The following GLRB variants were observed in gnomAD, a reference collection of about 807,000 sequenced individuals.
GLRB encodes glycine receptor subunit beta.
GLRB carries 33 observed loss-of-function variants against 54.2 expected under a neutral mutation model. The ratio of observed to expected loss-of-function variants is 0.61; its 90% CI spans 0.46 to 0.81. GLRB has a LOEUF of 0.81. Among genes scored for constraint, GLRB ranks in the 40% least tolerant of loss-of-function variants. The pLI is 0.00. For missense variants in GLRB, 572 were observed against 584.6 expected (o/e 0.98, Z 0.22); for synonymous variants, 209 against 208.2 (o/e 1.00, Z -0.03).
At position 157,096,811 on chromosome 4, in the gene GLRB, G is replaced by A. The variant is rs76246004; in HGVS notation, c.122+18665G>A. On this transcript the variant is annotated intron_variant, in intron 2 of 9. Coordinates refer to ENST00000264428, the MANE Select transcript of GLRB (RefSeq NM_000824.5). ...CAGAAAGTAGTTAAAGCAGAAACAG[G>A]TTACATAGCAGGGGTGGCCTTTGAA... Among the ~76,000 whole-genome samples the A allele has an allele frequency of 7.8e-3, 1,191 of 152,278 alleles. 21 individuals are homozygous for A. In the East Asian group the frequency reaches 0.1, roughly 13 times the overall value.
chr4:157,165,564 A>G (rs1737674420), intron 9 of GLRB, among the ~76,000 whole-genome samples: 1 of 152,046 alleles, frequency 6.6e-6, no homozygotes, highest in African/African-American at 2.4e-5. Flanking sequence ...AGCTTTTACT[A>G]TGAGGTTTTT....
At position 157,120,570 on chromosome 4, in the gene GLRB, A is replaced by G; in HGVS notation, c.137A>G (p.Glu46Gly). The G allele has an allele frequency of 1.3e-6, 2 of 1,584,492 alleles. No homozygotes were observed. The highest frequency in any genetic ancestry group is 1.7e-6 in the Non-Finnish European group (2 of 1,155,002). ...QYLCPSQQSA[E>G]DLARVPANST... Reference sequence around the variant, plus strand: ...CTCTCTTATAGTCAGCAGTCAGCAGAGGACCTTGCCCGAGTACCTGCCAAC... The same window carrying G: ...CTCTCTTATAGTCAGCAGTCAGCAGGGGACCTTGCCCGAGTACCTGCCAAC... The change falls in exon 3 of 10, where the codon GAG (glutamate) becomes GGG (glycine). Residue 46 changes from glutamate to glycine, a missense_variant. Physicochemically the swap from Glu to Gly is moderately conservative, Grantham distance 98. Transcript: ENST00000264428.
chr4:157,077,475 A>T (rs1395896366), intron 1 of GLRB, among the ~76,000 whole-genome samples: 1 of 152,050 alleles, frequency 6.6e-6, no homozygotes, highest in Admixed American at 6.5e-5. Flanking sequence ...TTTTTCTTTT[A>T]TCTGTCTTTT....
intron 9 of GLRB, among the ~76,000 whole-genome samples, chr4:157,159,172 C>T (rs543634593): frequency 4.6e-5 from 7 of 152,182 alleles, no homozygotes; most frequent in Non-Finnish European, 7.4e-5. Context: ...GATTTTTGCA[C>T]GTAGATTTTG....
intron 2 of GLRB, among the ~76,000 whole-genome samples, chr4:157,106,866 A>G (rs1439569064): frequency 6.6e-6 from 1 of 151,876 alleles, no homozygotes; most frequent in Non-Finnish European, 1.5e-5. Context: ...ATTAAATCTC[A>G]TCTTCTATAT....
chr4:157,160,604 A>T (rs1255027867), intron 9 of GLRB, among the ~76,000 whole-genome samples: 1 of 151,964 alleles, frequency 6.6e-6, no homozygotes, highest in Non-Finnish European at 1.5e-5. Flanking sequence ...GTAGTCACTC[A>T]GGAGCAGGTT....
rs74715548 is a variant in GLRB at position 157,100,731 on chromosome 4, T to A, written c.123-19825T>A. On this transcript the variant is annotated intron_variant, in intron 2 of 9. Coordinates refer to ENST00000264428, the MANE Select transcript of GLRB (RefSeq NM_000824.5). Reference sequence around the variant, plus strand: ...AGCAAACAGAAACCAGTTGGGAATGTAGACATTTACTTTCAGCTTGGAATA... The same window carrying A: ...AGCAAACAGAAACCAGTTGGGAATGAAGACATTTACTTTCAGCTTGGAATA... Among the ~76,000 whole-genome samples the A allele has an allele frequency of 7.8e-3, 1,182 of 152,312 alleles. 23 individuals are homozygous for A. In the East Asian group the frequency reaches 0.1, roughly 13 times the overall value.
intron 2 of GLRB, among the ~76,000 whole-genome samples, chr4:157,089,527 G>A (rs1448044266): frequency 6.6e-6 from 1 of 152,074 alleles, no homozygotes; most frequent in Admixed American, 6.6e-5. Flanking sequence ...AACAATCTCC[G>A]ATTTCACCCA....
At chr4:157,115,806 A>G (rs1735587530) in intron 2 of GLRB, among the ~76,000 whole-genome samples, 2 of 151,654 alleles carry the variant, frequency 1.3e-5, no homozygotes, top group South Asian at 4.1e-4. Context: ...TCCTCATTCT[A>G]CCCTTGTGTC....
chr4:157,120,661 AG>A lies in GLRB; in HGVS notation c.229+1del. On this transcript the variant is annotated frameshift_variant and splice_region_variant, in exon 3 of 10. Transcript: ENST00000264428. LOFTEE classifies it high-confidence loss of function. ...YDPRIRPNFK[G>X]IPVDVVVNIF... is the part of the protein sequence containing the mutation. ...ATCCCAGGATAAGACCAAACTTCAA[AG>A]GTTTGTCTCCCCCATATAAATGTTC... is the stretch of plus-strand genomic sequence containing the variant. 1 of 1,397,540 alleles carries A rather than the reference AG, an allele frequency of 7.2e-7. No individual in the cohort carries two copies. The highest frequency in any genetic ancestry group is 1.0e-6 in the Non-Finnish European group (1 of 985,748). 86.6% of individuals were successfully genotyped at this position (1,397,540 alleles called of 1,614,324 possible).
chr4:157,139,061 G>A, intron 7 of GLRB, 112 bp downstream of exon 7: 1 of 630,932 alleles, frequency 1.6e-6, no homozygotes, highest in South Asian at 2.0e-5. Context: ...AATTAAATTA[G>A]CAAATAGTTT....
At chr4:157,168,530 T>TC (rs889575022) in intron 9 of GLRB, among the ~76,000 whole-genome samples, 2 of 152,142 alleles carry the variant, frequency 1.3e-5, no homozygotes, top group Non-Finnish European at 2.9e-5. Context: ...TACCTCAAAG[T>TC]CCTATTGAAC....
intron 2 of GLRB, among the ~76,000 whole-genome samples, chr4:157,091,954 T>G (rs1265619372): frequency 6.6e-6 from 1 of 152,192 alleles, no homozygotes; most frequent in East Asian, 1.9e-4. Context: ...CCATTAACAC[T>G]ATACAAAATC....
At chr4:157,114,669 A>G (rs999442520) in intron 2 of GLRB, among the ~76,000 whole-genome samples, 1 of 151,606 alleles carries the variant, frequency 6.6e-6, no homozygotes, top group Non-Finnish European at 1.5e-5. Flanking sequence ...CTCACACATT[A>G]CTTACTTTTG....
chr4:157,115,872 C>T (rs1398965762), intron 2 of GLRB, among the ~76,000 whole-genome samples: 1 of 151,824 alleles, frequency 6.6e-6, no homozygotes, highest in East Asian at 1.9e-4. Context: ...CAGCCCCACA[C>T]TTACTACATT....
chr4:157,088,707 T>C (rs1734499252), intron 2 of GLRB, among the ~76,000 whole-genome samples: 1 of 152,156 alleles, frequency 6.6e-6, no homozygotes, highest in Admixed American at 6.5e-5. Context: ...AAAAGAACTT[T>C]TTTAGGATCC....
intron 8 of GLRB, among the ~76,000 whole-genome samples, chr4:157,150,133 C>T (rs535310575): frequency 2.4e-4 from 36 of 152,032 alleles, no homozygotes; most frequent in Non-Finnish European, 4.9e-4. Flanking sequence ...AGATTTTGCT[C>T]ACTTCAACCT....
intron 2 of GLRB, among the ~76,000 whole-genome samples, chr4:157,096,469 C>A (rs914537557): frequency 6.6e-6 from 1 of 152,146 alleles, no homozygotes; most frequent in Non-Finnish European, 1.5e-5. Context: ...TTGAGGCCTG[C>A]AGATTCTAGC....
At chr4:157,166,332 T>C (rs1229114777) in intron 9 of GLRB, among the ~76,000 whole-genome samples, 1 of 152,044 alleles carries the variant, frequency 6.6e-6, no homozygotes, top group Non-Finnish European at 1.5e-5. Flanking sequence ...TAATGTCTTG[T>C]TTATAAGCAG....
Sources: allele counts gnomAD v4.1 joint callset (sites outside exome capture counted in the v4.1 genomes callset), GRCh38; gene constraint gnomAD v4.1.1; transcripts MANE v1.5; gene names NCBI Gene and HGNC (gene_info 2026-07-23, HGNC 2026-07-21).